The following RBL2 variants were observed in gnomAD, a reference collection of about 807,000 sequenced individuals.
RBL2 encodes the protein RB transcriptional corepressor like 2.
Under a neutral mutation model 126.0 loss-of-function variants are expected in RBL2, and 56 were observed. That is an observed-to-expected ratio of 0.44 (90% CI 0.36 to 0.56). RBL2 has a LOEUF of 0.56. Among genes scored for constraint, RBL2 ranks in the 20% least tolerant of loss-of-function variants. The pLI, the probability that RBL2 is intolerant of heterozygous loss-of-function variation, is 0.00. For missense variants in RBL2, 1,229 were observed against 1,398.2 expected, an observed-to-expected ratio of 0.88 and a Z score of 1.93; for synonymous variants, 454 against 478.5, an observed-to-expected ratio of 0.95 and a Z score of 0.67.
chr16:53,467,047 ATTC>A lies in RBL2; in HGVS notation c.1864-7_1864-5del, dbSNP rs755030319. On this transcript the variant is annotated splice_region_variant and splice_polypyrimidine_tract_variant and intron_variant, in intron 13 of 21. Coordinates refer to ENST00000262133, the MANE Select transcript of RBL2 (RefSeq NM_005611.4). ...TGGATACTGGCATTCTGTGTAACCA[ATTC>A]TTCATAGGTCATGCCACCTCAGAAC... is the stretch of plus-strand genomic sequence containing the variant. The A allele has an allele frequency of 6.2e-7, 1 of 1,606,338 alleles. No individual in the cohort carries two copies. Among genetic ancestry groups the A allele is most frequent in the East Asian group, 2.2e-5 (1 of 44,760 alleles).
chr16:53,461,412 A>G (rs1251036821), intron 9 of RBL2, among the ~76,000 whole-genome samples: 1 of 152,180 alleles, frequency 6.6e-6, no homozygotes, highest in Non-Finnish European at 1.5e-5. Context: ...GAATCACTTG[A>G]ACCTGGGAGG....
At chr16:53,454,497 C>T in intron 7 of RBL2, 159 bp from the exon 8 acceptor site, 1 of 644,160 alleles carries the variant, frequency 1.6e-6, no homozygotes, top group Non-Finnish European at 2.6e-6. Flanking sequence ...GCTACTGCAC[C>T]CAGCTATACT....
Position 53,462,556 on chromosome 16 carries a change from T to C in RBL2, c.1461T>C (p.Ile487=), listed in dbSNP as rs751687444. 6.5e-7 allele frequency: 1 copy of C among 1,538,386 alleles called. No homozygotes were observed. The highest frequency in any genetic ancestry group is 1.2e-5 in the South Asian group (1 of 81,034). ...TTTTTTTTATTATTTCTACAGAAAT[T>C]GCCAGCAAACATTTTCGTTTTGCGG... ...DEDFSNCAKE[I]ASKHFRFAEM... The change falls in exon 11 of 22, where the codon ATT becomes ATC. Residue 487 remains isoleucine, a synonymous_variant. Transcript: ENST00000262133.
rs1212269613 is a variant in RBL2, at chr16:53,434,575, C to A, written c.19C>A (p.Gln7Lys). Residue 7 changes from glutamine to lysine, a missense_variant, in exon 1 of 22, where the codon CAG becomes AAG. This residue lies in a region of RBL2 where 159 missense variants were observed against 123.9 expected (regional missense o/e 1.28). Coordinates refer to ENST00000262133, the MANE Select transcript of RBL2 (RefSeq NM_005611.4). The part of the protein sequence containing the change: MPSGGD[Q>K]SPPPPPPPPA... Reference sequence around the variant, plus strand: ...GTGCGCTATGCCGTCGGGAGGTGACCAGTCGCCACCGCCCCCGCCTCCCCC... The same window carrying A: ...GTGCGCTATGCCGTCGGGAGGTGACAAGTCGCCACCGCCCCCGCCTCCCCC... 14 of 1,531,804 alleles carry A rather than the reference C, an allele frequency of 9.1e-6. No homozygotes were observed. In the Admixed American group the frequency reaches 2.7e-4, roughly 29 times the overall value. 94.9% of individuals were successfully genotyped at this position (1,531,804 alleles called of 1,614,324 possible). A position where few individuals can be genotyped will look rare whatever the true frequency, so the allele number is the denominator to read the frequency against.
intron 7 of RBL2, 133 bp from the exon 8 acceptor site, chr16:53,454,523 C>A: frequency 1.2e-6 from 1 of 825,720 alleles, no homozygotes. Context: ...GTTCTTATAA[C>A]TACAAGTTAC....
chr16:53,447,898 G>A (rs2058077649), intron 4 of RBL2, among the ~76,000 whole-genome samples: 1 of 152,040 alleles, frequency 6.6e-6, no homozygotes, highest in Admixed American at 6.5e-5. Flanking sequence ...GCCTGCCCTG[G>A]CCTCCCACAG....
In RBL2 at chr16:53,470,572, C is replaced by T; in HGVS notation, c.2435C>T (p.Pro812Leu). The T allele has an allele frequency of 1.2e-6, 2 of 1,614,184 alleles. No homozygotes were observed. Among genetic ancestry groups the T allele is most frequent in the Non-Finnish European group, 1.7e-6 (2 of 1,180,038 alleles). Residue 812 changes from proline to leucine, a missense_variant, in exon 16 of 22, where the codon CCA (proline) becomes CTA (leucine). Coordinates refer to ENST00000262133, the MANE Select transcript of RBL2 (RefSeq NM_005611.4). ...CAAGTGGCCATTCAACAGATTTCCC[C>T]AGGTGGCCAACAGCAGAAGCAAGGC... ...PGQVAIQQIS[P>L]GGQQQKQGQS...
rs376705995 is a variant in RBL2, at chr16:53,465,416, A to G, written c.1699-22A>G. 5.5e-4 allele frequency: 759 copies of G among 1,375,346 alleles called. 1 individual carries two copies. Among genetic ancestry groups the G allele is most frequent in the Non-Finnish European group, 6.9e-4 (720 of 1,050,294 alleles). The allele number at this position is 1,375,346 out of a possible 1,614,324, so 85.2% of individuals were successfully genotyped here. On this transcript the variant is annotated intron_variant, in intron 12 of 21. Transcript: ENST00000262133. ...AAAATATTTAATAATTATTCAGTGA[A>G]CCAAGACATTTTTTATTTCAGGTGA...
chr16:53,462,394 T>C (rs1314084147), intron 10 of RBL2, among the ~76,000 whole-genome samples, 158 bp from the exon 11 acceptor site: 1 of 152,174 alleles, frequency 6.6e-6, no homozygotes, highest in Non-Finnish European at 1.5e-5. Flanking sequence ...AAAATTAAGG[T>C]ATCTTAGGGA....
chr16:53,483,926 TAAAAAA>T (rs77395902), intron 21 of RBL2, among the ~76,000 whole-genome samples: 1 of 131,008 alleles, frequency 7.6e-6, no homozygotes, highest in Non-Finnish European at 1.6e-5. Context: ...CCTATCATAG[TAAAAAA>T]AAAAAAAAAA....
chr16:53,472,870 T>C lies in RBL2; in HGVS notation c.2703+1948T>C, dbSNP rs529324818. Among the ~76,000 whole-genome samples, 3 of 152,340 alleles carry C rather than the reference T, an allele frequency of 2.0e-5. No individual in the cohort carries two copies. The South Asian group carries it at 6.2e-4, about 32-fold the overall frequency. ...GGTCTTTGATCAATTTTGAGTAATT[T>C]TTGTGTATGGTATGAGGTAGCAGTC... On this transcript the variant is annotated intron_variant, in intron 17 of 21. Transcript: ENST00000262133.
chr16:53,480,472 TG>T (rs1444909213), intron 19 of RBL2, 94 bp from the exon 20 acceptor site: 5 of 993,470 alleles, frequency 5.0e-6, no homozygotes, highest in African/African-American at 1.6e-5. Flanking sequence ...TAGCAAGTAG[TG>T]CAGGTAGCTG....
chr16:53,470,368 T>C lies in RBL2; in HGVS notation c.2246-15T>C, dbSNP rs751839109. ...TTATCAACATTTTCTTCATGCTTTTTTTCTCTGTCACTAGGTATTGCCAAT... is the reference window on the plus strand; with the variant it reads ...TTATCAACATTTTCTTCATGCTTTTCTTCTCTGTCACTAGGTATTGCCAAT... On this transcript the variant is annotated splice_polypyrimidine_tract_variant and intron_variant, in intron 15 of 21. Transcript: ENST00000262133. The C allele has an allele frequency of 1.2e-6, 2 of 1,604,782 alleles. No homozygotes were observed. Among genetic ancestry groups the C allele is most frequent in the Middle Eastern group, 1.7e-4 (1 of 6,028 alleles).
chr16:53,491,514 C>T lies in RBL2; in HGVS notation c.*1214C>T, dbSNP rs922166597. The T allele has an allele frequency of 3.9e-5, 6 of 152,434 alleles. No homozygotes were observed. The highest frequency in any genetic ancestry group is 7.4e-5 in the Non-Finnish European group (5 of 68,002). The allele number at this position is 152,434 out of a possible 1,614,324, so 9.4% of individuals were successfully genotyped here. ...AAAGTTACTAGGTAACTTCATATTG[C>T]TGAGAGAAATATGGAACTTACATTG... On this transcript the variant is annotated 3_prime_UTR_variant, in exon 22 of 22. Transcript: ENST00000262133.
intron 18 of RBL2, 104 bp from the exon 19 acceptor site, chr16:53,479,782 A>G (rs903042758): frequency 1.1e-4 from 73 of 692,944 alleles, no homozygotes; most frequent in South Asian, 1.8e-4. Context: ...AACTATTGCT[A>G]TACAGGTTAT....
chr16:53,437,766 G>A (rs1416443117), intron 1 of RBL2, among the ~76,000 whole-genome samples: 1 of 151,900 alleles, frequency 6.6e-6, no homozygotes, highest in Non-Finnish European at 1.5e-5. Context: ...AGGGGCTCAC[G>A]CCTGTAATCC....
chr16:53,474,977 T>C (rs915643315), intron 17 of RBL2, among the ~76,000 whole-genome samples: 2 of 152,262 alleles, frequency 1.3e-5, no homozygotes, highest in Non-Finnish European at 2.9e-5. Flanking sequence ...GCGAAGCTGT[T>C]GAGACCAGAG....
rs1418383800 is a variant in RBL2 at position 53,439,245 on chromosome 16, T to G, written c.371+99T>G. On this transcript the variant is annotated intron_variant, in intron 2 of 21. Transcript: ENST00000262133. ...TCTCTGTTTATCATTTTCTGAGCAT[T>G]TGTACCTGTGGACTGGTGAAATTAG... is the stretch of plus-strand genomic sequence containing the variant. 6.0e-6 allele frequency: 7 copies of G among 1,161,830 alleles called. No homozygotes were observed. In the East Asian group the frequency reaches 1.7e-4, roughly 29 times the overall value. The allele number at this position is 1,161,830 out of a possible 1,614,324, so 72.0% of individuals were successfully genotyped here.
intron 4 of RBL2, among the ~76,000 whole-genome samples, chr16:53,448,392 C>CAA (rs2058084080): frequency 6.6e-6 from 1 of 152,122 alleles, no homozygotes; most frequent in East Asian, 1.9e-4. Flanking sequence ...CTCCTGACCT[C>CAA]GTGATCCACC....
Sources: allele counts gnomAD v4.1 joint callset (sites outside exome capture counted in the v4.1 genomes callset), GRCh38; gene constraint gnomAD v4.1.1; regional missense constraint gnomAD v4.1.1; transcripts MANE v1.5; gene names NCBI Gene and HGNC (gene_info 2026-07-23, HGNC 2026-07-21).